Variants in OR3A2 observed in about 807,000 individuals in gnomAD.
OR3A2 encodes the protein olfactory receptor 3A2.
For synonymous variants in OR3A2, 126 were observed against 159.3 expected, an observed-to-expected ratio of 0.79 and a Z score of 1.57; for missense variants, 318 against 392.8, an observed-to-expected ratio of 0.81 and a Z score of 1.61.
At chr17:3,323,757 G>A (rs2049146547) in intron 3 of OR3A2, among the ~76,000 whole-genome samples, 3 of 152,192 alleles carry the variant, frequency 2.0e-5, no homozygotes, top group South Asian at 4.1e-4. Flanking sequence ...CCCTTTGTGG[G>A]TAACCCGACC....
At chr17:3,328,476 C>T (rs1394181432) in intron 3 of OR3A2, among the ~76,000 whole-genome samples, 2 of 133,158 alleles carry the variant, frequency 1.5e-5, no homozygotes, top group Admixed American at 1.6e-4. Context: ...ATGGGGTTTT[C>T]TAGATATACA....
At chr17:3,315,698 G>C (rs2049075953) in intron 3 of OR3A2, among the ~76,000 whole-genome samples, 1 of 145,710 alleles carries the variant, frequency 6.9e-6, no homozygotes, top group South Asian at 2.3e-4. Flanking sequence ...GGTCCCACTT[G>C]TCAATAACTA....
At chr17:3,326,541 GT>G (rs1230623629) in intron 3 of OR3A2, among the ~76,000 whole-genome samples, 11 of 148,070 alleles carry the variant, frequency 7.4e-5, no homozygotes, top group African/African-American at 2.8e-4. Flanking sequence ...TCTTATGCCT[GT>G]CTTTTTTTTT....
At chr17:3,359,599 G>C (rs1457743566) in intron 2 of OR3A2, among the ~76,000 whole-genome samples, 1 of 151,614 alleles carries the variant, frequency 6.6e-6, no homozygotes, top group Non-Finnish European at 1.5e-5. Context: ...TTGATTATAG[G>C]TCCCCAATCT....
At chr17:3,330,109 G>C (rs1597343814) in intron 3 of OR3A2, among the ~76,000 whole-genome samples, 1 of 147,298 alleles carries the variant, frequency 6.8e-6, no homozygotes, top group African/African-American at 2.6e-5. Flanking sequence ...TTTTACATTT[G>C]CTGAGGAGAG....
intron 2 of OR3A2, among the ~76,000 whole-genome samples, chr17:3,375,431 T>C (rs569868457): frequency 2.6e-5 from 4 of 151,704 alleles, no homozygotes; most frequent in Admixed American, 2.6e-4. Flanking sequence ...GCCTCCCTAG[T>C]AGCTGGGACT....
intron 2 of OR3A2, among the ~76,000 whole-genome samples, chr17:3,350,405 C>T (rs1387086688): frequency 6.7e-6 from 1 of 149,660 alleles, no homozygotes; most frequent in Admixed American, 6.6e-5. Context: ...CTACAAACAC[C>T]TCTACGCAAA....
intron 3 of OR3A2, among the ~76,000 whole-genome samples, chr17:3,307,120 A>T: frequency 6.6e-6 from 1 of 152,228 alleles, no homozygotes; most frequent in South Asian, 2.1e-4. Context: ...GATCGCCTGC[A>T]TGTACTGCCT....
chr17:3,306,775 G>A (rs1328466384), intron 3 of OR3A2, among the ~76,000 whole-genome samples: 14 of 106,338 alleles, frequency 1.3e-4, no homozygotes, highest in Non-Finnish European at 2.5e-4. Flanking sequence ...CATTGTTAGT[G>A]TAAGAGAAAG....
At chr17:3,284,974 C>A (rs776689058), upstream of OR3A2, among the ~76,000 whole-genome samples, 3 of 152,118 alleles carry the variant, frequency 2.0e-5, no homozygotes, top group Non-Finnish European at 4.4e-5. Flanking sequence ...CTGTTGAGCC[C>A]TCAGTAGTGA....
chr17:3,331,898 G>A (rs1207961131), intron 3 of OR3A2, among the ~76,000 whole-genome samples: 5 of 150,890 alleles, frequency 3.3e-5, no homozygotes, highest in South Asian at 2.1e-4. Flanking sequence ...TTTTTGGTGT[G>A]GATGTCCTTT....
At chr17:3,355,506 C>CAGTGCTG (rs199498352) in intron 2 of OR3A2, among the ~76,000 whole-genome samples, 1 of 150,698 alleles carries the variant, frequency 6.6e-6, no homozygotes, top group Admixed American at 6.6e-5. Context: ...TACTACAGTG[C>CAGTGCTG]TGCGTACATA....
chr17:3,326,295 G>T (rs1047871744), intron 3 of OR3A2, among the ~76,000 whole-genome samples: 1 of 151,972 alleles, frequency 6.6e-6, no homozygotes, highest in Non-Finnish European at 1.5e-5. Flanking sequence ...TATTCATTTG[G>T]GTTTATACCC....
chr17:3,296,538 A>AT (rs1357090895), intron 3 of OR3A2, among the ~76,000 whole-genome samples: 4 of 152,198 alleles, frequency 2.6e-5, no homozygotes, highest in Admixed American at 6.5e-5. Flanking sequence ...AACTTGTTAA[A>AT]TTTTTTATTA....
At chr17:3,372,425 G>C (rs371244284) in intron 2 of OR3A2, among the ~76,000 whole-genome samples, 1 of 151,446 alleles carries the variant, frequency 6.6e-6, no homozygotes, top group Non-Finnish European at 1.5e-5. Flanking sequence ...ACGGGGTGGC[G>C]GCTGGGCAGA....
intron 3 of OR3A2, among the ~76,000 whole-genome samples, chr17:3,330,986 G>A (rs1256105049): frequency 6.6e-6 from 1 of 151,900 alleles, no homozygotes; most frequent in Non-Finnish European, 1.5e-5. Flanking sequence ...TAGTTTGGCT[G>A]GATATGAAAT....
chr17:3,366,219 G>A (rs2049561898), intron 2 of OR3A2, among the ~76,000 whole-genome samples: 1 of 152,162 alleles, frequency 6.6e-6, no homozygotes, highest in African/African-American at 2.4e-5. Context: ...AGATTTATAC[G>A]TTGAAGAATG....
chr17:3,347,724 T>C (rs576072077), intron 2 of OR3A2, among the ~76,000 whole-genome samples: 1 of 152,232 alleles, frequency 6.6e-6, no homozygotes, highest in African/African-American at 2.4e-5. Flanking sequence ...TGTGTCTTTA[T>C]AGAAGCATGA....
intron 2 of OR3A2, among the ~76,000 whole-genome samples, chr17:3,368,957 G>A (rs887422668): frequency 6.6e-6 from 1 of 152,066 alleles, no homozygotes; most frequent in African/African-American, 2.4e-5. Context: ...TCATCTCCTT[G>A]GTTAGCTATA....
Sources: allele counts gnomAD v4.1 joint callset (sites outside exome capture counted in the v4.1 genomes callset), GRCh38; gene constraint gnomAD v4.1.1; transcripts MANE v1.5; gene names NCBI Gene and HGNC (gene_info 2026-07-23, HGNC 2026-07-21).